SMIM41: variants seen among roughly 807,000 people sequenced by gnomAD.
SMIM41 encodes small integral membrane protein 41.
intron 2 of SMIM41, among the ~76,000 whole-genome samples, chr12:52,086,763 TC>T (rs1939900209): frequency 6.6e-6 from 1 of 152,248 alleles, no homozygotes; most frequent in Admixed American, 6.5e-5. Flanking sequence ...TCCCTTGACC[TC>T]TTTTACCTCT....
At chr12:52,095,327 C>T (rs1940073743) in intron 2 of SMIM41, among the ~76,000 whole-genome samples, 1 of 151,334 alleles carries the variant, frequency 6.6e-6, no homozygotes, top group African/African-American at 2.4e-5. Flanking sequence ...GGGGCGGGCG[C>T]CCCCCGCGAT....
chr12:52,096,687 G>C (rs7303732), intron 2 of SMIM41, among the ~76,000 whole-genome samples: 1 of 151,324 alleles, frequency 6.6e-6, no homozygotes, highest in Non-Finnish European at 1.5e-5. Context: ...TATTGTTATC[G>C]TCAGTATAAC....
At position 52,108,246 on chromosome 12, in the gene SMIM41, C is replaced by T; in HGVS notation, c.*1063C>T. ...GGATATTAAAAGTGTCTTGCGGCGG[C>T]CGCACGGCAGCACTGTCTAATCTCA... On this transcript the variant is annotated 3_prime_UTR_variant, in exon 3 of 3. Coordinates refer to ENST00000546390, the MANE Select transcript of SMIM41 (RefSeq NM_001369216.1). 1 of 170,658 alleles carries T rather than the reference C, an allele frequency of 5.9e-6. No homozygotes were observed. The highest frequency in any genetic ancestry group is 1.2e-5 in the Non-Finnish European group (1 of 80,472). The allele number at this position is 170,658 out of a possible 1,614,324, so 10.6% of individuals were successfully genotyped here. A position where few individuals can be genotyped will look rare whatever the true frequency, so the allele number is the denominator to read the frequency against.
intron 2 of SMIM41, among the ~76,000 whole-genome samples, chr12:52,094,068 T>C (rs1940048471): frequency 6.8e-6 from 1 of 147,532 alleles, no homozygotes; most frequent in Non-Finnish European, 1.5e-5. Flanking sequence ...AAGGCGTAGG[T>C]TGCAGTGAGC....
chr12:52,103,633 C>T (rs1312257190), intron 2 of SMIM41, among the ~76,000 whole-genome samples: 16 of 152,018 alleles, frequency 1.1e-4, no homozygotes, highest in Admixed American at 1.0e-3. Context: ...GTGGCACACG[C>T]CTGTAATCCC....
At chr12:52,082,837 C>T (rs1048283186) in intron 1 of SMIM41, among the ~76,000 whole-genome samples, 8 of 152,280 alleles carry the variant, frequency 5.3e-5, no homozygotes, top group South Asian at 2.1e-4. Context: ...GCAGCAAAGA[C>T]GGGGGTGGCT....
In SMIM41 at chr12:52,098,577, C is replaced by T. The variant is rs186794752; in HGVS notation, c.*196-8802C>T. Among the ~76,000 whole-genome samples, 96 of 150,956 alleles carry T rather than the reference C, an allele frequency of 6.4e-4. 1 individual carries two copies. The highest frequency in any genetic ancestry group is 2.2e-3 in the African/African-American group (92 of 41,070). On this transcript the variant is annotated intron_variant, in intron 2 of 2. Coordinates refer to ENST00000546390, the MANE Select transcript of SMIM41 (RefSeq NM_001369216.1). ...TCCTCTTCCCCCCTGGATATTGGAA[C>T]AATATCAGGAAGGGATGTACAGACC... is the stretch of plus-strand genomic sequence containing the variant.
At chr12:52,089,088 C>G (rs1480451633) in intron 2 of SMIM41, among the ~76,000 whole-genome samples, 1 of 152,068 alleles carries the variant, frequency 6.6e-6, no homozygotes, top group Non-Finnish European at 1.5e-5. Context: ...GTGGAATTCC[C>G]TGCCCCTGTG....
chr12:52,079,986 G>T lies in SMIM41; in HGVS notation c.207G>T (p.Leu69=). 2.6e-6 allele frequency: 1 copy of T among 380,662 alleles called. No individual in the cohort carries two copies. Among genetic ancestry groups the T allele is most frequent in the Non-Finnish European group, 4.7e-6 (1 of 214,422 alleles). 23.6% of individuals were successfully genotyped at this position (380,662 alleles called of 1,614,324 possible). ...LLRAQGLTAL[L]TREQRASREP... ...GCGCCCAGGGCCTGACAGCGCTGCTGACCCGCGAGCAGCGCGCGTCCCGCG... is the reference window on the plus strand; with the variant it reads ...GCGCCCAGGGCCTGACAGCGCTGCTTACCCGCGAGCAGCGCGCGTCCCGCG... The change falls in exon 1 of 3, where the codon CTG becomes CTT. Residue 69 remains leucine, a synonymous_variant. Coordinates refer to ENST00000546390, the MANE Select transcript of SMIM41 (RefSeq NM_001369216.1).
intron 2 of SMIM41, among the ~76,000 whole-genome samples, chr12:52,102,550 C>A (rs1231303966): frequency 6.6e-6 from 1 of 152,154 alleles, no homozygotes; most frequent in African/African-American, 2.4e-5. Flanking sequence ...CCCAAAGCAT[C>A]CCATTAACAA....
At position 52,091,631 on chromosome 12, in the gene SMIM41, A is replaced by C. The variant is rs145649540; in HGVS notation, c.*195+7663A>C. Reference sequence around the variant, plus strand: ...CACTGCACATGGAGGACCATGGAGAAATATGTTATTGAACGTTATTGAACA... The same window carrying C: ...CACTGCACATGGAGGACCATGGAGACATATGTTATTGAACGTTATTGAACA... On this transcript the variant is annotated intron_variant, in intron 2 of 2. Coordinates refer to ENST00000546390, the MANE Select transcript of SMIM41 (RefSeq NM_001369216.1). 2.5e-3 allele frequency among the ~76,000 whole-genome samples: 378 copies of C among 152,338 alleles called. 1 individual carries two copies. The highest frequency in any genetic ancestry group is 8.8e-3 in the African/African-American group (367 of 41,576).
chr12:52,100,109 A>G (rs574272180), intron 2 of SMIM41, among the ~76,000 whole-genome samples: 5 of 128,654 alleles, frequency 3.9e-5, no homozygotes, highest in Admixed American at 9.1e-5. Flanking sequence ...TGGGAAAAAT[A>G]TCAAGCGCGG....
At chr12:52,100,566 C>G (rs914606408) in intron 2 of SMIM41, among the ~76,000 whole-genome samples, 14 of 151,886 alleles carry the variant, frequency 9.2e-5, no homozygotes, top group African/African-American at 3.4e-4. Context: ...AAGCGATTCT[C>G]CTGTCTCAGC....
intron 2 of SMIM41, among the ~76,000 whole-genome samples, chr12:52,104,630 T>C (rs1331267620): frequency 6.6e-6 from 1 of 151,666 alleles, no homozygotes; most frequent in African/African-American, 2.4e-5. Context: ...ACGTGCAAAC[T>C]GTCGGCTCAG....
chr12:52,080,403 C>G (rs1191312714), intron 1 of SMIM41, among the ~76,000 whole-genome samples: 2 of 152,218 alleles, frequency 1.3e-5, no homozygotes, highest in Admixed American at 1.3e-4. Context: ...CGGATTGTGT[C>G]TCCTGCAGCT....
At chr12:52,083,216 A>G (rs1939842420) in intron 1 of SMIM41, among the ~76,000 whole-genome samples, 1 of 152,048 alleles carries the variant, frequency 6.6e-6, no homozygotes, top group Non-Finnish European at 1.5e-5. Context: ...CAGCGCCTGT[A>G]CTGTCTGGTG....
intron 2 of SMIM41, among the ~76,000 whole-genome samples, chr12:52,088,678 C>T (rs1337802868): frequency 6.6e-6 from 1 of 152,230 alleles, no homozygotes; most frequent in Non-Finnish European, 1.5e-5. Context: ...CCCTGTGTCC[C>T]TTGGGGCTTC....
intron 2 of SMIM41, among the ~76,000 whole-genome samples, chr12:52,098,982 C>T (rs1940161247): frequency 6.6e-6 from 1 of 151,878 alleles, no homozygotes; most frequent in Non-Finnish European, 1.5e-5. Context: ...TTGTGTACAC[C>T]CCCTGCGATA....
At chr12:52,085,896 C>T (rs970559160) in intron 2 of SMIM41, among the ~76,000 whole-genome samples, 63 of 152,252 alleles carry the variant, frequency 4.1e-4, no homozygotes, top group African/African-American at 9.6e-4. Context: ...GGCAGACAGG[C>T]GGCTGATGAG....
Sources: allele counts gnomAD v4.1 joint callset (sites outside exome capture counted in the v4.1 genomes callset), GRCh38; gene constraint gnomAD v4.1.1; transcripts MANE v1.5; gene names NCBI Gene and HGNC (gene_info 2026-07-23, HGNC 2026-07-21).